Variants in FKBP5 observed in about 807,000 individuals in gnomAD.
FKBP5 encodes FKBP prolyl isomerase 5.
FKBP5 carries 23 observed loss-of-function variants against 50.5 expected under a neutral mutation model. That is an observed-to-expected ratio of 0.46 (90% CI 0.33 to 0.65). The LOEUF is 0.65. Among genes scored for constraint, FKBP5 ranks in the 30% least tolerant of loss-of-function variants. The pLI is 0.02. For missense variants in FKBP5, 411 were observed against 553.1 expected (o/e 0.74, Z 2.58); for synonymous variants, 176 against 190.6 (o/e 0.92, Z 0.63).
intron 1 of FKBP5, among the ~76,000 whole-genome samples, chr6:35,672,114 C>A (rs2151005198): frequency 6.6e-6 from 1 of 152,256 alleles, no homozygotes; most frequent in South Asian, 2.1e-4. Flanking sequence ...ATGATCCGCC[C>A]ACCTCGGCCT....
chr6:35,689,714 G>T (rs1407890094), upstream of FKBP5, among the ~76,000 whole-genome samples: 1 of 152,098 alleles, frequency 6.6e-6, no homozygotes, highest in African/African-American at 2.4e-5. Context: ...GGTGGCGCGC[G>T]CCGTCCCAGC....
At chr6:35,683,394 C>T (rs1179137521) in intron 1 of FKBP5, among the ~76,000 whole-genome samples, 6 of 151,568 alleles carry the variant, frequency 4.0e-5, no homozygotes, top group Admixed American at 6.6e-5. Context: ...TCAAGCAACC[C>T]TCCTGCCTTG....
At chr6:35,576,949 G>C (rs375321658) in intron 10 of FKBP5, 45 bp downstream of exon 10, 1 of 1,601,936 alleles carries the variant, frequency 6.2e-7, no homozygotes, top group South Asian at 1.1e-5. Flanking sequence ...AAAGGGGCAT[G>C]GTCAGGCTCT....
rs1762191249 is a variant in FKBP5 at position 35,575,769 on chromosome 6, G to A, written c.*66C>T. The A allele has an allele frequency of 2.9e-6, 3 of 1,028,866 alleles. No individual in the cohort carries two copies. Among genetic ancestry groups the A allele is most frequent in the South Asian group, 1.3e-5 (1 of 79,228 alleles). The allele number at this position is 1,028,866 out of a possible 1,614,324, so 63.7% of individuals were successfully genotyped here. ...TTTACATTAAACACTGTTCTGTCCT[G>A]AGTTGGGGGAAAGCCCATTGAGGAG... On this transcript the variant is annotated 3_prime_UTR_variant, in exon 11 of 11. Coordinates refer to ENST00000357266, the MANE Select transcript of FKBP5 (RefSeq NM_004117.4).
Position 35,586,642 on chromosome 6 carries a change from A to AACTT in FKBP5, c.840+388_840+391dup, listed in dbSNP as rs535106135. ...AAAGGAAGAAAGAAAAATGATGTGA[A>AACTT]ACTTACCCTTATGAATTCCATTCTT... On this transcript the variant is annotated intron_variant, in intron 8 of 10. Transcript: ENST00000357266. The AACTT allele has an allele frequency of 1.3e-4, 128 of 1,010,582 alleles. No homozygotes were observed. In the African/African-American group the frequency reaches 2.0e-3, roughly 16 times the overall value. 62.6% of individuals were successfully genotyped at this position (1,010,582 alleles called of 1,614,324 possible). A position where few individuals can be genotyped will look rare whatever the true frequency, so the allele number is the denominator to read the frequency against.
At chr6:35,649,249 TAAA>T (rs71002582) in intron 1 of FKBP5, among the ~76,000 whole-genome samples, 3 of 102,228 alleles carry the variant, frequency 2.9e-5, no homozygotes, top group Admixed American at 1.1e-4. Flanking sequence ...AGACTCTGTC[TAAA>T]AAAAAAAAAA....
At chr6:35,701,761 G>A (rs903420981) in intron 2 of FKBP5, among the ~76,000 whole-genome samples, 17 of 151,410 alleles carry the variant, frequency 1.1e-4, no homozygotes, top group Non-Finnish European at 1.8e-4. Flanking sequence ...GGCTGGTCTC[G>A]AACTCCTGGG....
At chr6:35,654,237 A>G (rs754528987) in intron 1 of FKBP5, among the ~76,000 whole-genome samples, 1 of 152,250 alleles carries the variant, frequency 6.6e-6, no homozygotes, top group Non-Finnish European at 1.5e-5. Flanking sequence ...TTATGCAAAT[A>G]TTATGCATTA....
At chr6:35,609,249 TC>T (rs1763421420) in intron 5 of FKBP5, among the ~76,000 whole-genome samples, 1 of 152,182 alleles carries the variant, frequency 6.6e-6, no homozygotes, top group African/African-American at 2.4e-5. Context: ...TTTTGGTACA[TC>T]CCACAGTATT....
chr6:35,651,063 G>A (rs751228056), intron 1 of FKBP5, among the ~76,000 whole-genome samples: 29 of 152,126 alleles, frequency 1.9e-4, no homozygotes, highest in Non-Finnish European at 3.8e-4. Context: ...GTACTATTAA[G>A]TGAATGGTGA....
intron 1 of FKBP5, among the ~76,000 whole-genome samples, chr6:35,658,289 G>A (rs979451318): frequency 1.3e-5 from 2 of 151,836 alleles, no homozygotes; most frequent in Non-Finnish European, 2.9e-5. Flanking sequence ...ACAGGAGAAT[G>A]GCGTGAACCC....
At chr6:35,583,129 G>C (rs1402168670) in intron 8 of FKBP5, 1 of 985,216 alleles carries the variant, frequency 1.0e-6, no homozygotes, top group Non-Finnish European at 1.2e-6. Context: ...CTATCATTGG[G>C]AGCAAAAAAT....
rs568374467 is a variant in FKBP5 at position 35,622,970 on chromosome 6, T to C, written c.251-2696A>G. Among the ~76,000 whole-genome samples the C allele has an allele frequency of 1.5e-4, 23 of 152,342 alleles. No homozygotes were observed. The East Asian group carries it at 2.3e-3, about 15-fold the overall frequency. On this transcript the variant is annotated intron_variant, in intron 3 of 10. Coordinates refer to ENST00000357266, the MANE Select transcript of FKBP5 (RefSeq NM_004117.4). The stretch of plus-strand genomic sequence containing the variant: ...AAGAATTATTAGATAAGGCCGGGCG[T>C]GGTGGCTCACGCCTGTAATCCCAGC...
intron 4 of FKBP5, among the ~76,000 whole-genome samples, chr6:35,619,442 A>G (rs1763759217): frequency 6.6e-6 from 1 of 152,120 alleles, no homozygotes; most frequent in Admixed American, 6.5e-5. Context: ...ACTATATCCT[A>G]AGGGACTGCA....
chr6:35,658,312 C>G (rs943399211), intron 1 of FKBP5, among the ~76,000 whole-genome samples: 1 of 151,450 alleles, frequency 6.6e-6, no homozygotes, highest in African/African-American at 2.4e-5. Context: ...GGAGGCAGAG[C>G]TTGCAGTGAG....
At chr6:35,584,414 A>G (rs1762538044) in intron 8 of FKBP5, 1 of 985,350 alleles carries the variant, frequency 1.0e-6, no homozygotes, top group African/African-American at 1.7e-5. Context: ...AGATGGCATG[A>G]AATACAGATC....
chr6:35,635,726 G>A (rs983178026), intron 3 of FKBP5, among the ~76,000 whole-genome samples: 1 of 152,046 alleles, frequency 6.6e-6, no homozygotes, highest in Non-Finnish European at 1.5e-5. Flanking sequence ...TTAGTGAGAC[G>A]AGTGTCATTG....
chr6:35,576,466 G>A (rs1377121699), intron 10 of FKBP5, among the ~76,000 whole-genome samples: 1 of 152,164 alleles, frequency 6.6e-6, no homozygotes, highest in Non-Finnish European at 1.5e-5. Flanking sequence ...GAAGCCAGGG[G>A]TTCGAGACCA....
In FKBP5 at chr6:35,620,192, A is replaced by G; in HGVS notation, c.333T>C (p.Tyr111=). Reference sequence around the variant, plus strand: ...GGAGACTGCCAGCCGAGCCATATGCATATTCTGGTTTGCACAGTAAATGGC... The same window carrying G: ...GGAGACTGCCAGCCGAGCCATATGCGTATTCTGGTTTGCACAGTAAATGGC... ...EICHLLCKPE[Y]AYGSAGSLPK... The change falls in exon 4 of 11, where the codon TAT becomes TAC. Residue 111 remains tyrosine (Y), a synonymous_variant. Coordinates refer to ENST00000357266, the MANE Select transcript of FKBP5 (RefSeq NM_004117.4). 3 of 1,614,172 alleles carry G rather than the reference A, an allele frequency of 1.9e-6. No individual in the cohort carries two copies. The highest frequency in any genetic ancestry group is 2.5e-6 in the Non-Finnish European group (3 of 1,180,018).
Sources: gnomAD v4.1 joint callset for allele counts (sites outside exome capture counted in the v4.1 genomes callset) on GRCh38, gnomAD v4.1.1 for gene constraint, MANE v1.5 for transcripts, NCBI Gene and HGNC (gene_info 2026-07-23, HGNC 2026-07-21) for gene names.